The following AKAP17A variants were observed in gnomAD, a reference collection of about 807,000 sequenced individuals.
AKAP17A encodes A-kinase anchor protein 17A.
A neutral mutation model predicts 52.2 loss-of-function variants in AKAP17A; 15 were observed. The observed-to-expected ratio is 0.29, with a 90% CI of 0.19 to 0.44. AKAP17A has a LOEUF of 0.44. Among genes scored for constraint, AKAP17A ranks in the 20% least tolerant of loss-of-function variants. AKAP17A has a pLI of 1.00. For missense variants in AKAP17A, 1,060 were observed against 1,007.0 expected, an observed-to-expected ratio of 1.05 and a Z score of -0.71; for synonymous variants, 514 against 424.7, an observed-to-expected ratio of 1.21 and a Z score of -2.58.
Position 1,600,209 on chromosome X carries a change from T to G in AKAP17A, c.1153-450T>G, listed in dbSNP as rs1261001074. 6 of 1,311,272 alleles carry G rather than the reference T, an allele frequency of 4.6e-6. No individual in the cohort carries two copies. In the African/African-American group the frequency reaches 9.0e-5, roughly 20 times the overall value. The allele number at this position is 1,311,272 out of a possible 1,614,324, so 81.2% of individuals were successfully genotyped here. A position where few individuals can be genotyped will look rare whatever the true frequency, so the allele number is the denominator to read the frequency against. On this transcript the variant is annotated intron_variant, in intron 4 of 4. Coordinates refer to ENST00000313871, the MANE Select transcript of AKAP17A (RefSeq NM_005088.3). ...TGGCAGCCCAGTCCTTACCTCATGG[T>G]GAATATTGAAGACACTAACCCAGGC...
chrX:1,595,625 C>CGT (rs1211563410), intron 3 of AKAP17A, 93 bp downstream of exon 3: 48 of 1,559,128 alleles, frequency 3.1e-5, no homozygotes, highest in Non-Finnish European at 3.6e-5. Flanking sequence ...TATTCCTGTG[C>CGT]GTGTGTGTGT....
At chrX:1,598,081 A>G (rs1254819127) in intron 3 of AKAP17A, among the ~76,000 whole-genome samples, 3 of 152,136 alleles carry the variant, frequency 2.0e-5, no homozygotes, top group African/African-American at 4.8e-5. Context: ...TTTGAGCTTG[A>G]TGAGAGCTGT....
chrX:1,595,664 A>G, intron 3 of AKAP17A, 132 bp downstream of exon 3: 1 of 1,399,128 alleles, frequency 7.1e-7, no homozygotes, highest in South Asian at 1.3e-5. Flanking sequence ...TTGTGTGTGT[A>G]CCTGTGTGCA....
chrX:1,593,312 G>A (rs1471441008), intron 1 of AKAP17A, 132 bp from the exon 2 acceptor site: 5 of 888,718 alleles, frequency 5.6e-6, no homozygotes, highest in Non-Finnish European at 5.3e-6. Context: ...GTGGAAACCG[G>A]TCTCTGACAC....
intron 4 of AKAP17A, chrX:1,600,040 C>T (rs1440579763): frequency 8.4e-6 from 6 of 714,894 alleles, no homozygotes; most frequent in South Asian, 2.9e-5. Context: ...CAGACCTCCC[C>T]AGGACAGACG....
intron 3 of AKAP17A, among the ~76,000 whole-genome samples, chrX:1,598,859 C>G (rs1933177829): frequency 6.6e-6 from 1 of 152,220 alleles, no homozygotes; most frequent in Non-Finnish European, 1.5e-5. Flanking sequence ...GCTGGGGTTC[C>G]TCTTTCACCC....
At chrX:1,591,960 G>C (rs1372661515) in intron 1 of AKAP17A, among the ~76,000 whole-genome samples, 191 bp downstream of exon 1, 1 of 148,860 alleles carries the variant, frequency 6.7e-6, no homozygotes, top group African/African-American at 2.5e-5. Context: ...GGAATCGGGG[G>C]CTGGGGAGGT....
chrX:1,597,442 T>TG (rs1270057906), intron 3 of AKAP17A, among the ~76,000 whole-genome samples: 1 of 152,120 alleles, frequency 6.6e-6, no homozygotes, highest in Non-Finnish European at 1.5e-5. Flanking sequence ...GTCGCCATCC[T>TG]GGGAGGCGGT....
chrX:1,601,703 T>G lies in AKAP17A; in HGVS notation c.*109T>G. ...TCCACCCCTGCAAAGCCAAGACCCT[T>G]CTGCAGCCACGAATGTCCACGGAGC... On this transcript the variant is annotated 3_prime_UTR_variant, in exon 5 of 5. Transcript: ENST00000313871. 1 of 1,086,006 alleles carries G rather than the reference T, an allele frequency of 9.2e-7. No individual in the cohort carries two copies. The highest frequency in any genetic ancestry group is 2.9e-5 in the South Asian group (1 of 34,568). 67.3% of individuals were successfully genotyped at this position (1,086,006 alleles called of 1,614,324 possible).
chrX:1,595,654 T>TTG (rs1481346653), intron 3 of AKAP17A, 122 bp downstream of exon 3: 1 of 1,467,348 alleles, frequency 6.8e-7, no homozygotes, highest in South Asian at 1.2e-5. Context: ...GCTTGTGAGC[T>TTG]TGTGTGTGTA....
At chrX:1,599,476 G>C (rs1300398558) in intron 4 of AKAP17A, 44 bp downstream of exon 4, 1 of 1,551,254 alleles carries the variant, frequency 6.4e-7, no homozygotes, top group Non-Finnish European at 8.7e-7. Context: ...CGCCCGGGCT[G>C]CCCTCAGTGC....
At chrX:1,599,788 G>A (rs1197391687) in intron 4 of AKAP17A, 3 of 604,078 alleles carry the variant, frequency 5.0e-6, no homozygotes, top group African/African-American at 1.9e-5. Context: ...TCTGTGTGTG[G>A]TCAGCTGGCC....
At chrX:1,596,741 A>G (rs1411212804) in intron 3 of AKAP17A, among the ~76,000 whole-genome samples, 1 of 49,162 alleles carries the variant, frequency 2.0e-5, no homozygotes, top group African/African-American at 1.1e-4. Flanking sequence ...CGTCCCTCCC[A>G]CCCTCCTAGT....
intron 3 of AKAP17A, among the ~76,000 whole-genome samples, 179 bp downstream of exon 3, chrX:1,595,711 T>C (rs1932942180): frequency 6.6e-6 from 1 of 152,028 alleles, no homozygotes. Context: ...TGTGTGTACT[T>C]TGTATGTCCC....
At chrX:1,597,553 C>T (rs1356675782) in intron 3 of AKAP17A, among the ~76,000 whole-genome samples, 8 of 151,848 alleles carry the variant, frequency 5.3e-5, no homozygotes, top group Non-Finnish European at 8.8e-5. Context: ...AGTCCTGGGG[C>T]GTTACAGGGA....
rs1932924392 is a variant in AKAP17A, at chrX:1,595,280, C to T, written c.763-104C>T. 2.0e-6 allele frequency: 3 copies of T among 1,512,274 alleles called. No homozygotes were observed. In the South Asian group the frequency reaches 3.7e-5, roughly 19 times the overall value. The allele number at this position is 1,512,274 out of a possible 1,614,324, so 93.7% of individuals were successfully genotyped here. Reference sequence around the variant, plus strand: ...GAGCGGTGAGCGGTGAGCGGGCGCTCAGGCTCTGAGGCCACTCGGCCCTAC... The same window carrying T: ...GAGCGGTGAGCGGTGAGCGGGCGCTTAGGCTCTGAGGCCACTCGGCCCTAC... On this transcript the variant is annotated intron_variant, in intron 2 of 4. Transcript: ENST00000313871.
intron 3 of AKAP17A, 28 bp from the exon 4 acceptor site, chrX:1,599,162 CTG>C: frequency 6.2e-7 from 1 of 1,605,248 alleles, no homozygotes; most frequent in Non-Finnish European, 8.5e-7. Flanking sequence ...GCGGCGCTCT[CTG>C]TGACCACCCC....
intron 1 of AKAP17A, among the ~76,000 whole-genome samples, chrX:1,592,764 G>C (rs1433467567): frequency 1.3e-5 from 2 of 152,192 alleles, no homozygotes; most frequent in Admixed American, 1.3e-4. Context: ...CAGCTCAGCA[G>C]GGAAGAGGTG....
In AKAP17A at chrX:1,601,028, G is replaced by A. The variant is rs367544429; in HGVS notation, c.1522G>A (p.Ala508Thr). 170 of 1,611,566 alleles carry A rather than the reference G, an allele frequency of 1.1e-4. No individual in the cohort carries two copies. The highest frequency in any genetic ancestry group is 2.2e-4 in the South Asian group (20 of 90,972). The change falls in exon 5 of 5, where the codon GCT (alanine) becomes ACT (threonine). Residue 508 changes from alanine (A) to threonine (T), a missense_variant. Ala to Thr is a moderately conservative substitution (Grantham distance 58). This residue lies in a region of AKAP17A where 793 missense variants were observed against 629.9 expected (regional missense o/e 1.26). Transcript: ENST00000313871. The stretch of plus-strand genomic sequence containing the variant: ...CCCGGCCCACCCAGAGGCCGACGGC[G>A]CTCCCAAAAGCGTGAACGGGAGCGT... Reference protein sequence around the residue: ...ESPAHPEADGAPKSVNGSVAE... With the variant: ...ESPAHPEADGTPKSVNGSVAE...
Sources: gnomAD v4.1 joint callset for allele counts (sites outside exome capture counted in the v4.1 genomes callset) on GRCh38, gnomAD v4.1.1 for gene constraint, gnomAD v4.1.1 regional missense constraint, MANE v1.5 for transcripts, NCBI Gene and HGNC (gene_info 2026-07-23, HGNC 2026-07-21) for gene names.